Variants in CNTNAP2 observed in about 807,000 individuals in gnomAD.
The protein encoded by CNTNAP2 is contactin-associated protein-like 2.
In CNTNAP2, 98 loss-of-function variants were observed where a neutral mutation model predicts 155.2. That is an observed-to-expected ratio of 0.63 (90% CI 0.54 to 0.75). CNTNAP2 has a LOEUF of 0.75. Among genes scored for constraint, CNTNAP2 ranks in the 30% least tolerant of loss-of-function variants. The pLI is 0.00. For missense variants in CNTNAP2, 1,727 were observed against 1,688.1 expected (o/e 1.02, Z -0.40); for synonymous variants, 651 against 631.2 (o/e 1.03, Z -0.47).
At chr7:147,189,498 G>A (rs1802634954) in intron 8 of CNTNAP2, among the ~76,000 whole-genome samples, 1 of 151,936 alleles carries the variant, frequency 6.6e-6, no homozygotes, top group East Asian at 1.9e-4. Flanking sequence ...AACATAACAG[G>A]AAACATATCA....
chr7:146,800,431 T>C (rs1802853968), intron 2 of CNTNAP2, among the ~76,000 whole-genome samples: 1 of 152,196 alleles, frequency 6.6e-6, no homozygotes, highest in Non-Finnish European at 1.5e-5. Flanking sequence ...GGCACAGAAA[T>C]TGCTTTATCT....
intron 3 of CNTNAP2, among the ~76,000 whole-genome samples, chr7:146,873,660 G>A (rs1404468730): frequency 6.6e-6 from 1 of 152,012 alleles, no homozygotes; most frequent in Non-Finnish European, 1.5e-5. Context: ...TAAGCATGGA[G>A]AATAGGACAT....
chr7:146,583,091 G>C (rs1166673896), intron 1 of CNTNAP2, among the ~76,000 whole-genome samples: 2 of 151,986 alleles, frequency 1.3e-5, no homozygotes, highest in East Asian at 3.9e-4. Flanking sequence ...GGAATGTGAT[G>C]ACAACCATAG....
chr7:147,637,771 T>A (rs952031942), intron 12 of CNTNAP2, among the ~76,000 whole-genome samples: 1 of 152,164 alleles, frequency 6.6e-6, no homozygotes, highest in African/African-American at 2.4e-5. Context: ...GTAACATTGA[T>A]TGTGTATTTT....
At chr7:146,335,236 T>C (rs554556495) in intron 1 of CNTNAP2, among the ~76,000 whole-genome samples, 1 of 152,332 alleles carries the variant, frequency 6.6e-6, no homozygotes, top group South Asian at 2.1e-4. Flanking sequence ...GTGGTCAACA[T>C]CTTGAATGTA....
chr7:148,362,033 C>A lies in CNTNAP2; in HGVS notation c.3476-21616C>A, dbSNP rs1459305685. The stretch of plus-strand genomic sequence containing the variant: ...GACCAGCCTAGCCAATACAGTGAAA[C>A]CTGTCTCTACTAAAAATACAAAAAA... On this transcript the variant is annotated intron_variant, in intron 21 of 23. Coordinates refer to ENST00000361727, the MANE Select transcript of CNTNAP2 (RefSeq NM_014141.6). Among the ~76,000 whole-genome samples, 3 of 152,122 alleles carry A rather than the reference C, an allele frequency of 2.0e-5. No individual in the cohort carries two copies. The East Asian group carries it at 5.8e-4, about 29-fold the overall frequency.
chr7:146,838,216 C>T (rs1803654224), intron 2 of CNTNAP2, among the ~76,000 whole-genome samples: 1 of 152,182 alleles, frequency 6.6e-6, no homozygotes, highest in Admixed American at 6.5e-5. Flanking sequence ...AGCAGAAAGC[C>T]AGGAAGTTGG....
At chr7:147,159,324 A>G (rs1480770185) in intron 8 of CNTNAP2, among the ~76,000 whole-genome samples, 1 of 152,102 alleles carries the variant, frequency 6.6e-6, no homozygotes, top group Non-Finnish European at 1.5e-5. Context: ...TTATTCTGGC[A>G]TTCTTAACTT....
chr7:146,439,246 A>T (rs2129118920), intron 1 of CNTNAP2, among the ~76,000 whole-genome samples: 1 of 151,654 alleles, frequency 6.6e-6, no homozygotes, highest in Non-Finnish European at 1.5e-5. Flanking sequence ...AATTTCAAAG[A>T]CATACACCAA....
At chr7:146,483,612 A>C (rs981271597) in intron 1 of CNTNAP2, among the ~76,000 whole-genome samples, 2 of 151,252 alleles carry the variant, frequency 1.3e-5, no homozygotes, top group African/African-American at 4.8e-5. Flanking sequence ...AATTCCAAGA[A>C]TAAAAAAAGT....
chr7:147,346,463 A>G (rs1795865536), intron 9 of CNTNAP2, among the ~76,000 whole-genome samples: 1 of 152,162 alleles, frequency 6.6e-6, no homozygotes, highest in South Asian at 2.1e-4. Flanking sequence ...CCATAATCGA[A>G]GATTTTAAAG....
At chr7:146,323,048 G>A (rs1801033844) in intron 1 of CNTNAP2, among the ~76,000 whole-genome samples, 1 of 151,988 alleles carries the variant, frequency 6.6e-6, no homozygotes, top group Admixed American at 6.6e-5. Context: ...TATTTCTAAT[G>A]TGTATGGGGA....
intron 13 of CNTNAP2, among the ~76,000 whole-genome samples, chr7:147,847,400 G>C (rs1335654329): frequency 5.5e-4 from 67 of 122,356 alleles, no homozygotes; most frequent in Admixed American, 9.8e-4. Context: ...AGCTCCTGAG[G>C]CTTCTGCATT....
intron 13 of CNTNAP2, among the ~76,000 whole-genome samples, chr7:147,877,429 G>A (rs1488784571): frequency 1.3e-5 from 2 of 152,062 alleles, no homozygotes; most frequent in Admixed American, 1.3e-4. Flanking sequence ...CATTTAAAAA[G>A]TAATGGAAAA....
At chr7:147,905,681 G>A (rs368708532) in intron 14 of CNTNAP2, among the ~76,000 whole-genome samples, 5 of 152,302 alleles carry the variant, frequency 3.3e-5, no homozygotes, top group Middle Eastern at 3.4e-3. Flanking sequence ...TCAGGAGTTC[G>A]AGACCAGCCT....
chr7:146,529,144 T>G (rs1304111046), intron 1 of CNTNAP2, among the ~76,000 whole-genome samples: 2 of 152,210 alleles, frequency 1.3e-5, no homozygotes, highest in Admixed American at 1.3e-4. Context: ...GTTTGTTTTC[T>G]TATGCATTTT....
intron 13 of CNTNAP2, among the ~76,000 whole-genome samples, chr7:147,653,717 GAACA>G (rs1034927288): frequency 4.6e-5 from 7 of 152,220 alleles, no homozygotes; most frequent in African/African-American, 1.7e-4. Context: ...ACAGCAACTA[GAACA>G]AACAGTCCAC....
intron 15 of CNTNAP2, among the ~76,000 whole-genome samples, chr7:148,072,681 G>C (rs1215066753): frequency 6.6e-6 from 1 of 152,124 alleles, no homozygotes; most frequent in African/African-American, 2.4e-5. Context: ...GTAATACTTT[G>C]GGACAGATAA....
At chr7:147,865,483 A>G (rs1425474293) in intron 13 of CNTNAP2, among the ~76,000 whole-genome samples, 1 of 152,098 alleles carries the variant, frequency 6.6e-6, no homozygotes, top group Admixed American at 6.6e-5. Context: ...TATTGATTGG[A>G]ATAGTTTCAG....
Sources: gnomAD v4.1 joint callset for allele counts (sites outside exome capture counted in the v4.1 genomes callset) on GRCh38, gnomAD v4.1.1 for gene constraint, MANE v1.5 for transcripts, NCBI Gene and HGNC (gene_info 2026-07-23, HGNC 2026-07-21) for gene names.